MACROD2: variants seen among roughly 807,000 people sequenced by gnomAD.
MACROD2 encodes the protein mono-ADP ribosylhydrolase 2, also known as ADP-ribose glycohydrolase MACROD2.
Under a neutral mutation model 70.4 loss-of-function variants are expected in MACROD2, and 36 were observed. The observed-to-expected ratio is 0.51, with a 90% CI of 0.39 to 0.68. MACROD2 has a LOEUF of 0.68. Among genes scored for constraint, MACROD2 ranks in the 30% least tolerant of loss-of-function variants. The pLI is 0.00. For synonymous variants in MACROD2, 172 were observed against 178.8 expected, an observed-to-expected ratio of 0.96 and a Z score of 0.30; for missense variants, 496 against 538.4, an observed-to-expected ratio of 0.92 and a Z score of 0.78.
rs763135535 is a variant in MACROD2 at position 14,725,027 on chromosome 20, C to T, written c.418+40068C>T. 9.9e-5 allele frequency among the ~76,000 whole-genome samples: 15 copies of T among 152,156 alleles called. No individual in the cohort carries two copies. In the South Asian group the frequency reaches 2.1e-3, roughly 21 times the overall value. On this transcript the variant is annotated intron_variant, in intron 5 of 17. Transcript: ENST00000684519. Reference sequence around the variant, plus strand: ...GGAGATGGAGACAAATGGGTAGTTTCAGAGTATGTTTTGGGGGTGAAGTCA... The same window carrying T: ...GGAGATGGAGACAAATGGGTAGTTTTAGAGTATGTTTTGGGGGTGAAGTCA...
At chr20:14,526,015 C>T (rs562381160) in intron 4 of MACROD2, among the ~76,000 whole-genome samples, 26 of 152,124 alleles carry the variant, frequency 1.7e-4, no homozygotes, top group Non-Finnish European at 3.5e-4. Context: ...TGAGTAAGGC[C>T]GATATCGGAA....
intron 8 of MACROD2, among the ~76,000 whole-genome samples, chr20:15,755,283 G>T (rs1426949698): frequency 6.6e-6 from 1 of 152,180 alleles, no homozygotes; most frequent in Non-Finnish European, 1.5e-5. Context: ...TCCCCATGGT[G>T]CATTTCAGAT....
chr20:14,254,135 C>T (rs960519353), intron 3 of MACROD2, among the ~76,000 whole-genome samples: 11 of 151,502 alleles, frequency 7.3e-5, no homozygotes, highest in South Asian at 2.1e-4. Context: ...CTTTATGAAA[C>T]GAATTTATTT....
At chr20:14,262,328 G>A (rs1347053011) in intron 3 of MACROD2, among the ~76,000 whole-genome samples, 1 of 152,134 alleles carries the variant, frequency 6.6e-6, no homozygotes, top group African/African-American at 2.4e-5. Flanking sequence ...TGGAATGTAG[G>A]TTGGCTTCAA....
At chr20:15,745,715 A>C (rs1316904624) in intron 8 of MACROD2, among the ~76,000 whole-genome samples, 1 of 152,164 alleles carries the variant, frequency 6.6e-6, no homozygotes, top group Admixed American at 6.5e-5. Flanking sequence ...TATTTAATCC[A>C]CTTAGTATCC....
At chr20:14,381,871 C>G (rs1164553798) in intron 3 of MACROD2, among the ~76,000 whole-genome samples, 2 of 152,120 alleles carry the variant, frequency 1.3e-5, no homozygotes, top group African/African-American at 2.4e-5. Context: ...TTCACACTCT[C>G]AAGAGGACAG....
chr20:14,327,174 C>T, intron 3 of MACROD2: 3 of 1,613,612 alleles, frequency 1.9e-6, no homozygotes, highest in Non-Finnish European at 2.5e-6. Context: ...TATTTTCTTG[C>T]AAATGTAACT....
intron 7 of MACROD2, among the ~76,000 whole-genome samples, chr20:15,452,510 T>C (rs918244166): frequency 1.3e-5 from 2 of 152,182 alleles, no homozygotes; most frequent in African/African-American, 4.8e-5. Flanking sequence ...AGCTGTGTAA[T>C]GAAATGTCCC....
intron 8 of MACROD2, among the ~76,000 whole-genome samples, chr20:15,670,230 T>A (rs2049960972): frequency 6.6e-6 from 1 of 152,200 alleles, no homozygotes; most frequent in Admixed American, 6.5e-5. Context: ...TACTTTTCCC[T>A]CTCAGAGTTT....
At chr20:14,259,187 C>T (rs572878544) in intron 3 of MACROD2, among the ~76,000 whole-genome samples, 3 of 152,220 alleles carry the variant, frequency 2.0e-5, no homozygotes, top group Admixed American at 1.3e-4. Context: ...GTGATCCACC[C>T]GCCTTGGCCT....
At chr20:14,038,555 T>C (rs186670411) in intron 2 of MACROD2, among the ~76,000 whole-genome samples, 11 of 152,336 alleles carry the variant, frequency 7.2e-5, no homozygotes, top group Admixed American at 6.5e-4. Context: ...TGCTGCCTTT[T>C]GTTTCCTGAA....
intron 5 of MACROD2, among the ~76,000 whole-genome samples, chr20:15,040,573 G>A (rs1040632435): frequency 5.3e-5 from 8 of 152,156 alleles, no homozygotes; most frequent in African/African-American, 1.9e-4. Flanking sequence ...CTTCAGGGGG[G>A]TCTTTATCTC....
chr20:15,676,248 C>G (rs112763392), intron 8 of MACROD2, among the ~76,000 whole-genome samples: 20 of 152,318 alleles, frequency 1.3e-4, no homozygotes, highest in African/African-American at 4.6e-4. Flanking sequence ...CCACGACCTT[C>G]TAACTAAAGT....
chr20:14,058,567 T>C (rs2053657038), intron 2 of MACROD2, among the ~76,000 whole-genome samples: 1 of 151,680 alleles, frequency 6.6e-6, no homozygotes, highest in Admixed American at 6.6e-5. Flanking sequence ...ATATTGAGAG[T>C]CTTTGACTCC....
chr20:14,421,147 T>G (rs2083872225), intron 3 of MACROD2, among the ~76,000 whole-genome samples: 1 of 152,252 alleles, frequency 6.6e-6, no homozygotes, highest in Non-Finnish European at 1.5e-5. Flanking sequence ...TGCATCAATA[T>G]TCACAAGAAA....
chr20:14,275,285 A>G (rs1200319997), intron 3 of MACROD2, among the ~76,000 whole-genome samples: 1 of 152,210 alleles, frequency 6.6e-6, no homozygotes, highest in South Asian at 2.1e-4. Flanking sequence ...AAACAGAGAT[A>G]TAGACCAATG....
intron 6 of MACROD2, among the ~76,000 whole-genome samples, chr20:15,406,858 G>T (rs367781967): frequency 6.6e-6 from 1 of 152,166 alleles, no homozygotes; most frequent in Admixed American, 6.5e-5. Context: ...ATCATGCGAC[G>T]TGTCGAGTCT....
intron 8 of MACROD2, among the ~76,000 whole-genome samples, chr20:15,745,158 C>T (rs1252327212): frequency 2.0e-5 from 3 of 152,152 alleles, no homozygotes. Context: ...AGTTAGATTG[C>T]TTTAATGTTT....
At chr20:15,291,430 T>C (rs1231997525) in intron 6 of MACROD2, among the ~76,000 whole-genome samples, 2 of 152,194 alleles carry the variant, frequency 1.3e-5, no homozygotes, top group Admixed American at 6.6e-5. Flanking sequence ...ATATTATCCA[T>C]TGACAGAATG....
Sources: allele counts gnomAD v4.1 joint callset (sites outside exome capture counted in the v4.1 genomes callset), GRCh38; gene constraint gnomAD v4.1.1; transcripts MANE v1.5; gene names NCBI Gene and HGNC (gene_info 2026-07-23, HGNC 2026-07-21).